Variants in HDAC9 observed in about 807,000 individuals in gnomAD.
HDAC9 encodes the protein histone deacetylase 9, also known as MEF-2 interacting transcription repressor (MITR) protein.
Under a neutral mutation model 139.4 loss-of-function variants are expected in HDAC9, and 41 were observed. The observed-to-expected ratio is 0.29, with a 90% CI of 0.23 to 0.38. HDAC9 has a LOEUF of 0.38. Among genes scored for constraint, HDAC9 ranks in the 10% least tolerant of loss-of-function variants. The probability of loss-of-function intolerance (pLI) is 1.00; values close to 1 mark genes in which losing one functional copy is unlikely to be tolerated. For missense variants in HDAC9, 1,147 were observed against 1,297.0 expected, an observed-to-expected ratio of 0.88 and a Z score of 1.78; for synonymous variants, 517 against 476.2, an observed-to-expected ratio of 1.09 and a Z score of -1.12.
chr7:18,239,754 C>A (rs550329232), intron 2 of HDAC9, among the ~76,000 whole-genome samples: 1 of 152,062 alleles, frequency 6.6e-6, no homozygotes, highest in Non-Finnish European at 1.5e-5. Context: ...TATTAAGTTG[C>A]CACAGGAGAA....
intron 1 of HDAC9, among the ~76,000 whole-genome samples, chr7:18,124,235 A>G (rs948146000): frequency 6.6e-6 from 1 of 152,194 alleles, no homozygotes; most frequent in African/African-American, 2.4e-5. Context: ...AGAAGGTGGA[A>G]TATCTGTTGG....
chr7:18,861,330 G>A (rs1798090624), intron 21 of HDAC9, among the ~76,000 whole-genome samples: 1 of 152,048 alleles, frequency 6.6e-6, no homozygotes, highest in African/African-American at 2.4e-5. Flanking sequence ...TTCTAGACTA[G>A]ATTTCAGTAC....
intron 1 of HDAC9, among the ~76,000 whole-genome samples, chr7:18,421,473 T>G (rs1789610144): frequency 7.4e-6 from 1 of 135,842 alleles, no homozygotes; most frequent in Non-Finnish European, 1.6e-5. Flanking sequence ...AAAGAAAGAA[T>G]GAAAAAATGA....
chr7:18,629,558 C>T (rs1339056861), intron 7 of HDAC9, 77 bp downstream of exon 7: 2 of 1,316,870 alleles, frequency 1.5e-6, no homozygotes, highest in African/African-American at 3.0e-5. Context: ...AATATACCTG[C>T]TGCATATTAA....
intron 3 of HDAC9, among the ~76,000 whole-genome samples, chr7:18,587,117 T>C (rs987154474): frequency 3.9e-5 from 6 of 152,192 alleles, no homozygotes; most frequent in African/African-American, 1.4e-4. Context: ...CTTTAGATAC[T>C]TCTTTTCATT....
At chr7:18,310,769 GA>G (rs1216263836) in intron 1 of HDAC9, among the ~76,000 whole-genome samples, 2 of 150,658 alleles carry the variant, frequency 1.3e-5, no homozygotes, top group Non-Finnish European at 3.0e-5. Context: ...AAGAGAAGTT[GA>G]CATTTTCTAC....
At chr7:18,860,918 C>T (rs1183657118) in intron 21 of HDAC9, among the ~76,000 whole-genome samples, 1 of 152,154 alleles carries the variant, frequency 6.6e-6, no homozygotes, top group Admixed American at 6.5e-5. Context: ...AGCTCAGCCT[C>T]AGTTCTCTAG....
At chr7:18,185,224 TCA>T (rs1789812341) in intron 2 of HDAC9, among the ~76,000 whole-genome samples, 1 of 152,198 alleles carries the variant, frequency 6.6e-6, no homozygotes, top group Non-Finnish European at 1.5e-5. Flanking sequence ...CCACTGATTC[TCA>T]GTTTGGACTA....
intron 2 of HDAC9, among the ~76,000 whole-genome samples, chr7:18,525,915 T>G (rs1806729252): frequency 6.6e-6 from 1 of 152,234 alleles, no homozygotes; most frequent in Non-Finnish European, 1.5e-5. Context: ...AAGTTCTTGC[T>G]GCCAGTCTTG....
intron 12 of HDAC9, among the ~76,000 whole-genome samples, chr7:18,685,771 A>C (rs1370329223): frequency 6.6e-6 from 1 of 151,990 alleles, no homozygotes; most frequent in Non-Finnish European, 1.5e-5. Flanking sequence ...GATATTCCTC[A>C]GGAATGAAAA....
At chr7:18,770,326 A>G (rs1374153651) in intron 16 of HDAC9, among the ~76,000 whole-genome samples, 2 of 152,144 alleles carry the variant, frequency 1.3e-5, no homozygotes, top group East Asian at 1.9e-4. Context: ...TGAAAAGAAC[A>G]TTTGACCAAA....
rs146699150 is a variant in HDAC9, at chr7:18,169,878, G to A, written c.25+7529G>A. Among the ~76,000 whole-genome samples, 969 of 152,222 alleles carry A rather than the reference G, an allele frequency of 6.4e-3. 13 individuals carry two copies. The highest frequency in any genetic ancestry group is 0.023 in the African/African-American group (938 of 41,536). On this transcript the variant is annotated intron_variant, in intron 2 of 12. Transcript: ENST00000417496. ...CTATCATTGATGGACATTTAGATTG[G>A]TTCCAAGTCTTTGCTATTGCGAATA...
intron 1 of HDAC9, among the ~76,000 whole-genome samples, chr7:18,148,708 C>T (rs991947342): frequency 3.3e-5 from 5 of 152,166 alleles, no homozygotes; most frequent in Non-Finnish European, 7.3e-5. Context: ...GATCCTCCCT[C>T]ATTGGCCTCC....
At chr7:18,301,792 G>A (rs1033421033) in intron 1 of HDAC9, among the ~76,000 whole-genome samples, 4 of 152,150 alleles carry the variant, frequency 2.6e-5, no homozygotes, top group Non-Finnish European at 4.4e-5. Flanking sequence ...TAATGAGAAT[G>A]AATGAATGAT....
At chr7:18,618,726 GTA>G (rs71014394) in intron 6 of HDAC9, among the ~76,000 whole-genome samples, 5,203 of 119,744 alleles carry the variant, frequency 0.043, 126 homozygotes, top group African/African-American at 0.052. Context: ...ACAGAATTTT[GTA>G]TATATATATA....
intron 1 of HDAC9, among the ~76,000 whole-genome samples, chr7:18,393,364 A>G (rs1786722912): frequency 6.6e-6 from 1 of 152,184 alleles, no homozygotes. Flanking sequence ...TCTTTTCAAG[A>G]TGGATTAGAC....
At chr7:18,354,192 C>T (rs1444324878) in intron 1 of HDAC9, among the ~76,000 whole-genome samples, 1 of 152,030 alleles carries the variant, frequency 6.6e-6, no homozygotes, top group Non-Finnish European at 1.5e-5. Context: ...ACTAAAAGGA[C>T]ATTTATTTAC....
At chr7:18,914,281 A>C (rs1328714760) in intron 22 of HDAC9, among the ~76,000 whole-genome samples, 1 of 151,616 alleles carries the variant, frequency 6.6e-6, no homozygotes, top group Non-Finnish European at 1.5e-5. Context: ...TGTTGTTTGT[A>C]AGCTACCCAG....
At chr7:18,618,871 A>T (rs1839440718) in intron 6 of HDAC9, among the ~76,000 whole-genome samples, 1 of 151,294 alleles carries the variant, frequency 6.6e-6, no homozygotes, top group African/African-American at 2.4e-5. Context: ...GTATGAATTC[A>T]GATTTCCCCC....
Sources: allele counts gnomAD v4.1 joint callset (sites outside exome capture counted in the v4.1 genomes callset), GRCh38; gene constraint gnomAD v4.1.1; transcripts MANE v1.5; gene names NCBI Gene and HGNC (gene_info 2026-07-23, HGNC 2026-07-21).